Variants in B3GNT5 observed in about 807,000 individuals in gnomAD.
B3GNT5 encodes UDP-GlcNAc:betaGal beta-1,3-N-acetylglucosaminyltransferase 5, also known as lactosylceramide 1,3-N-acetyl-beta-D-glucosaminyltransferase.
Under a neutral mutation model 25.9 loss-of-function variants are expected in B3GNT5, and 11 were observed. The ratio of observed to expected loss-of-function variants is 0.42; its 90% CI spans 0.27 to 0.70. The LOEUF is 0.70. B3GNT5 is among the 30% of genes least tolerant of loss of function. B3GNT5 has a pLI of 0.23. For synonymous variants in B3GNT5, 166 were observed against 158.6 expected, an observed-to-expected ratio of 1.05 and a Z score of -0.35; for missense variants, 385 against 458.4, an observed-to-expected ratio of 0.84 and a Z score of 1.46.
At position 183,273,342 on chromosome 3, in the gene B3GNT5, GT is replaced by G. The variant is rs1726948852; in HGVS notation, c.*2410del. 4.2e-6 allele frequency: 1 copy of G among 236,232 alleles called. No homozygotes were observed. The highest frequency in any genetic ancestry group is 2.3e-5 in the African/African-American group (1 of 44,322). The allele number at this position is 236,232 out of a possible 1,614,324, so 14.6% of individuals were successfully genotyped here. On this transcript the variant is annotated 3_prime_UTR_variant, in exon 2 of 2. Coordinates refer to ENST00000326505, the MANE Select transcript of B3GNT5 (RefSeq NM_032047.5). ...TCTTGTATGGCAAAATAATTAGTGA[GT>G]TTAAAAAAAATCTATAGTTTCCAAT...
At chr3:183,256,574 A>G (rs1418188700) in intron 1 of B3GNT5, among the ~76,000 whole-genome samples, 1 of 152,228 alleles carries the variant, frequency 6.6e-6, no homozygotes, top group Non-Finnish European at 1.5e-5. Context: ...TCTACAAAAG[A>G]GAATGTTCTA....
intron 1 of B3GNT5, among the ~76,000 whole-genome samples, chr3:183,256,008 A>G (rs1441200717): frequency 1.3e-5 from 2 of 152,214 alleles, no homozygotes; most frequent in East Asian, 3.8e-4. Context: ...TTCAGAACAC[A>G]GGAGGTATCA....
Position 183,270,818 on chromosome 3 carries a change from A to G in B3GNT5, c.1020A>G (p.Lys340=). Residue 340 remains lysine (K), a synonymous_variant, in exon 2 of 2, where the codon AAA becomes AAG. Coordinates refer to ENST00000326505, the MANE Select transcript of B3GNT5 (RefSeq NM_032047.5). The surrounding 1 kb of genome is among the most constrained non-coding windows in gnomAD (Gnocchi z 4.5). ...TTTGGAAGAATGCTACAGATCCTAA[A>G]GTAAAAACCATTTCCAAAGGTTTTT... ...QDLWKNATDP[K]VKTISKGFFG... is the part of the protein sequence containing the mutation. 1 of 1,613,988 alleles carries G rather than the reference A, an allele frequency of 6.2e-7. No homozygotes were observed. Among genetic ancestry groups the G allele is most frequent in the Non-Finnish European group, 8.5e-7 (1 of 1,179,978 alleles).
At chr3:183,264,124 T>A (rs900030501) in intron 1 of B3GNT5, among the ~76,000 whole-genome samples, 1 of 152,188 alleles carries the variant, frequency 6.6e-6, no homozygotes, top group African/African-American at 2.4e-5. Context: ...TTTCTATGAC[T>A]TCCTGCTGCT....
In B3GNT5 at chr3:183,270,711, GGA is replaced by G; in HGVS notation, c.917_918del (p.Glu306GlyfsTer2). 1 of 1,613,528 alleles carries G rather than the reference GGA, an allele frequency of 6.2e-7. No individual in the cohort carries two copies. Among genetic ancestry groups the G allele is most frequent in the Non-Finnish European group, 8.5e-7 (1 of 1,179,802 alleles). Reference protein sequence around the residue: ...IVPQDHVFFSGEGKTPYHPCI... With the variant: ...IVPQDHVFFSXEGKTPYHPCI... ...ACCGCAGGACCATGTGTTTTTTTCT[GGA>G]GAGGGTAAAACTCCTTATCATCCCT... On this transcript the variant is annotated frameshift_variant, in exon 2 of 2. Transcript: ENST00000326505. LOFTEE classifies it high-confidence loss of function. This position sits in a 1 kb window ranked among gnomAD's most constrained non-coding sequence, Gnocchi z 4.5.
chr3:183,256,846 G>A (rs1346244221), intron 1 of B3GNT5, among the ~76,000 whole-genome samples: 5 of 123,298 alleles, frequency 4.1e-5, no homozygotes, highest in African/African-American at 2.7e-4. Flanking sequence ...CAAGAATAAC[G>A]GAAGACCGTT....
At position 183,270,402 on chromosome 3, in the gene B3GNT5, A is replaced by C. The variant is rs753064388; in HGVS notation, c.604A>C (p.Asn202His). 5 of 1,614,114 alleles carry C rather than the reference A, an allele frequency of 3.1e-6. No individual in the cohort carries two copies. Among genetic ancestry groups the C allele is most frequent in the Non-Finnish European group, 4.2e-6 (5 of 1,180,056 alleles). Reference sequence around the variant, plus strand: ...TGATGACATATTTATTCACATGCCAAATCTGATTGAGTACCTTCAAAGTTT... The same window carrying C: ...TGATGACATATTTATTCACATGCCACATCTGATTGAGTACCTTCAAAGTTT... ...ADDDIFIHMP[N>H]LIEYLQSLEQ... The change falls in exon 2 of 2, where the codon AAT (asparagine) becomes CAT (histidine). Residue 202 changes from asparagine (N) to histidine (H), a missense_variant. Transcript: ENST00000326505. The surrounding 1 kb of genome is among the most constrained non-coding windows in gnomAD (Gnocchi z 4.5).
intron 1 of B3GNT5, among the ~76,000 whole-genome samples, chr3:183,263,634 A>T (rs1226094141): frequency 1.3e-5 from 2 of 152,068 alleles, no homozygotes; most frequent in Non-Finnish European, 2.9e-5. Flanking sequence ...CTTCATGCTC[A>T]GAGTACCCAC....
chr3:183,271,124 T>A lies in B3GNT5; in HGVS notation c.*189T>A. On this transcript the variant is annotated 3_prime_UTR_variant, in exon 2 of 2. Transcript: ENST00000326505. Reference sequence around the variant, plus strand: ...CACTTATCTACTTCATTGCCTAAGTTCATTTCAAAGAATTTGTATTTAGAA... The same window carrying A: ...CACTTATCTACTTCATTGCCTAAGTACATTTCAAAGAATTTGTATTTAGAA... 2.1e-6 allele frequency: 1 copy of A among 486,416 alleles called. No individual in the cohort carries two copies. Among genetic ancestry groups the A allele is most frequent in the East Asian group, 3.5e-5 (1 of 28,320 alleles). The allele number at this position is 486,416 out of a possible 1,614,324, so 30.1% of individuals were successfully genotyped here.
chr3:183,253,884 G>A (rs1724752788), intron 1 of B3GNT5: 1 of 152,290 alleles, frequency 6.6e-6, no homozygotes, highest in South Asian at 2.1e-4. Context: ...CCGCGGCCGA[G>A]GCCTCTCTGG....
intron 1 of B3GNT5, among the ~76,000 whole-genome samples, chr3:183,261,933 C>T (rs1250479282): frequency 3.5e-5 from 5 of 141,506 alleles, no homozygotes; most frequent in Non-Finnish European, 3.0e-5. Context: ...TTCAGACAAC[C>T]GTTTTAGGAG....
Position 183,270,214 on chromosome 3 carries a change from GAGA to G in B3GNT5, c.421_423del (p.Glu141del), listed in dbSNP as rs1726622996. The G allele has an allele frequency of 6.2e-7, 1 of 1,614,186 alleles. No homozygotes were observed. The highest frequency in any genetic ancestry group is 1.3e-5 in the African/African-American group (1 of 75,054). The stretch of plus-strand genomic sequence containing the variant: ...TTAGGAACTCCTAATCCACTGGAGG[GAGA>G]AGAACTACAAAGAAAACTGGCTTGG... On this transcript the variant is annotated inframe_deletion, in exon 2 of 2. Transcript: ENST00000326505. The surrounding 1 kb of genome is among the most constrained non-coding windows in gnomAD (Gnocchi z 4.5).
chr3:183,264,725 G>A (rs1725932677), intron 1 of B3GNT5, among the ~76,000 whole-genome samples: 1 of 152,192 alleles, frequency 6.6e-6, no homozygotes, highest in South Asian at 2.1e-4. Flanking sequence ...TGAGTTGACA[G>A]CAGGGGTAAG....
chr3:183,254,041 T>C (rs929694669), intron 1 of B3GNT5: 5 of 152,048 alleles, frequency 3.3e-5, no homozygotes, highest in East Asian at 3.9e-4. Flanking sequence ...GCTCCCGGCA[T>C]TGGGGGCTGC....
In B3GNT5 at chr3:183,272,973, C is replaced by A; in HGVS notation, c.*2038C>A. On this transcript the variant is annotated 3_prime_UTR_variant, in exon 2 of 2. Coordinates refer to ENST00000326505, the MANE Select transcript of B3GNT5 (RefSeq NM_032047.5). ...AATAGAATGGAACAAGTTTAAATTTCAAGGAAATATGAAGGCACTTCCTTT... is the reference window on the plus strand; with the variant it reads ...AATAGAATGGAACAAGTTTAAATTTAAAGGAAATATGAAGGCACTTCCTTT... 1 of 1,452,420 alleles carries A rather than the reference C, an allele frequency of 6.9e-7. No homozygotes were observed. The highest frequency in any genetic ancestry group is 1.5e-5 in the South Asian group (1 of 68,022). The allele number at this position is 1,452,420 out of a possible 1,614,324, so 90.0% of individuals were successfully genotyped here. A position where few individuals can be genotyped will look rare whatever the true frequency, so the allele number is the denominator to read the frequency against.
Position 183,264,457 on chromosome 3 carries a change from G to C in B3GNT5, c.-301-5041G>C, listed in dbSNP as rs1725914525. On this transcript the variant is annotated intron_variant, in intron 1 of 1. Transcript: ENST00000326505. ...CTATGCTTTCATGTGGGAACTACGA[G>C]TCTTGTCACAAATAGAGTGTAAATG... Among the ~76,000 whole-genome samples the C allele has an allele frequency of 2.0e-5, 3 of 152,228 alleles. 1 individual carries two copies. The South Asian group carries it at 6.2e-4, about 31-fold the overall frequency.
chr3:183,253,824 CTG>C (rs1246361513), intron 1 of B3GNT5: 2 of 152,320 alleles, frequency 1.3e-5, no homozygotes, highest in Admixed American at 6.5e-5. Context: ...CGGAGTTAGT[CTG>C]TGGTCAGTTA....
chr3:183,270,229 G>A lies in B3GNT5; in HGVS notation c.431G>A (p.Arg144Lys), dbSNP rs767733409. The A allele has an allele frequency of 9.9e-6, 16 of 1,614,154 alleles. No homozygotes were observed. Among genetic ancestry groups the A allele is most frequent in the Non-Finnish European group, 1.3e-5 (15 of 1,180,006 alleles). ...PNPLEGEELQ[R>K]KLAWEDQRYN... is the part of the protein sequence containing the mutation. Reference sequence around the variant, plus strand: ...CCACTGGAGGGAGAAGAACTACAAAGAAAACTGGCTTGGGAAGATCAAAGG... The same window carrying A: ...CCACTGGAGGGAGAAGAACTACAAAAAAAACTGGCTTGGGAAGATCAAAGG... Residue 144 changes from arginine (R) to lysine (K), a missense_variant, in exon 2 of 2, where the codon AGA becomes AAA. Transcript: ENST00000326505. This position sits in a 1 kb window ranked among gnomAD's most constrained non-coding sequence, Gnocchi z 4.5.
intron 1 of B3GNT5, among the ~76,000 whole-genome samples, chr3:183,257,958 CTTTTTTT>C (rs35323502): frequency 1.1e-4 from 7 of 64,742 alleles, no homozygotes; most frequent in South Asian, 7.9e-4. Flanking sequence ...CCACTTCACC[CTTTTTTT>C]TTTTTTTTTT....
Sources: gnomAD v4.1 joint callset for allele counts (sites outside exome capture counted in the v4.1 genomes callset) on GRCh38, gnomAD v4.1.1 for gene constraint, Gnocchi (gnomAD v3.1) non-coding constraint, MANE v1.5 for transcripts, NCBI Gene and HGNC (gene_info 2026-07-23, HGNC 2026-07-21) for gene names.